SLC25A21: variants seen among roughly 807,000 people sequenced by gnomAD.
The protein encoded by SLC25A21 is mitochondrial 2-oxodicarboxylate carrier.
SLC25A21 carries 47 observed loss-of-function variants against 43.8 expected under a neutral mutation model. The ratio of observed to expected loss-of-function variants is 1.07; its 90% CI spans 0.85 to 1.37. SLC25A21 has a LOEUF of 1.37. SLC25A21 is among the 40% of genes most tolerant of loss of function. SLC25A21 has a pLI of 0.00. For missense variants in SLC25A21, 352 were observed against 350.2 expected (o/e 1.00, Z -0.04); for synonymous variants, 131 against 121.3 (o/e 1.08, Z -0.52).
intron 1 of SLC25A21, among the ~76,000 whole-genome samples, chr14:36,973,693 G>A (rs774256472): frequency 1.3e-5 from 2 of 152,182 alleles, no homozygotes; most frequent in Non-Finnish European, 2.9e-5. Context: ...GACAATTAAA[G>A]TACAACAAAT....
intron 3 of SLC25A21, among the ~76,000 whole-genome samples, chr14:36,757,335 C>T (rs557322631): frequency 8.6e-5 from 13 of 152,040 alleles, no homozygotes; most frequent in Non-Finnish European, 1.3e-4. Flanking sequence ...TCACTAGAAA[C>T]AATACAAAGT....
At chr14:36,863,682 T>C (rs942109265) in intron 2 of SLC25A21, among the ~76,000 whole-genome samples, 4 of 152,236 alleles carry the variant, frequency 2.6e-5, no homozygotes, top group Non-Finnish European at 5.9e-5. Flanking sequence ...TTTTAGTCTA[T>C]GGCAGCAAGA....
chr14:36,885,045 C>A (rs1890874072), intron 1 of SLC25A21, among the ~76,000 whole-genome samples: 3 of 152,126 alleles, frequency 2.0e-5, no homozygotes, highest in African/African-American at 7.2e-5. Context: ...GAAATCTCTG[C>A]CCAGACAGAT....
chr14:37,110,392 T>C (rs1962996489), intron 1 of SLC25A21, among the ~76,000 whole-genome samples: 1 of 152,218 alleles, frequency 6.6e-6, no homozygotes, highest in African/African-American at 2.4e-5. Context: ...GTGAGTATCA[T>C]TCCATTCTAG....
intron 3 of SLC25A21, among the ~76,000 whole-genome samples, chr14:36,735,127 G>T (rs1446171315): frequency 6.6e-6 from 1 of 152,116 alleles, no homozygotes; most frequent in Non-Finnish European, 1.5e-5. Flanking sequence ...GTGGAAGAAG[G>T]TCACAGAGGG....
intron 1 of SLC25A21, among the ~76,000 whole-genome samples, chr14:37,104,188 ATAAT>A (rs1333644110): frequency 6.6e-6 from 1 of 152,218 alleles, no homozygotes; most frequent in Non-Finnish European, 1.5e-5. Context: ...GGATGTAAAA[ATAAT>A]TAACCTCATA....
chr14:36,943,483 G>A (rs542086881), intron 1 of SLC25A21, among the ~76,000 whole-genome samples: 10 of 152,288 alleles, frequency 6.6e-5, no homozygotes, highest in South Asian at 2.1e-4. Context: ...ATAAGTCACC[G>A]CACCTGGCCC....
chr14:36,686,247 G>A (rs1035177247), intron 7 of SLC25A21, among the ~76,000 whole-genome samples: 1 of 152,176 alleles, frequency 6.6e-6, no homozygotes, highest in Non-Finnish European at 1.5e-5. Flanking sequence ...TACAGGTGCC[G>A]GGGAGGTTTA....
At chr14:36,680,979 CA>C (rs1289583327) in intron 9 of SLC25A21, among the ~76,000 whole-genome samples, 1 of 152,164 alleles carries the variant, frequency 6.6e-6, no homozygotes, top group Non-Finnish European at 1.5e-5. Context: ...GATTCTTTTT[CA>C]AGCACTTTCA....
chr14:36,848,972 T>C lies in SLC25A21; in HGVS notation c.119+25984A>G, dbSNP rs557037150. On this transcript the variant is annotated intron_variant, in intron 2 of 9. Transcript: ENST00000331299. ...CTCGCCCTATTAGTGCAGGCCCAGATGATTCATGGTAAACTTTCCAGGATA... is the reference window on the plus strand; with the variant it reads ...CTCGCCCTATTAGTGCAGGCCCAGACGATTCATGGTAAACTTTCCAGGATA... 1.4e-4 allele frequency among the ~76,000 whole-genome samples: 21 copies of C among 152,338 alleles called. No individual in the cohort carries two copies. The East Asian group carries it at 2.7e-3, about 20-fold the overall frequency.
chr14:36,788,897 T>G (rs2138394209), intron 3 of SLC25A21: 1 of 152,272 alleles, frequency 6.6e-6, no homozygotes, highest in Non-Finnish European at 1.5e-5. Flanking sequence ...ACTGTCAGGG[T>G]TTATGGCTTA....
chr14:36,925,689 A>G (rs560907860), intron 1 of SLC25A21, among the ~76,000 whole-genome samples: 1 of 152,098 alleles, frequency 6.6e-6, no homozygotes, highest in Non-Finnish European at 1.5e-5. Flanking sequence ...CCTACTAAAA[A>G]TACAAAAATT....
intron 1 of SLC25A21, among the ~76,000 whole-genome samples, chr14:37,111,483 G>T (rs1566889422): frequency 6.6e-6 from 1 of 152,146 alleles, no homozygotes; most frequent in Non-Finnish European, 1.5e-5. Flanking sequence ...TCTCTCAGTG[G>T]TTCTACATTC....
intron 1 of SLC25A21, among the ~76,000 whole-genome samples, chr14:37,074,031 C>T (rs1411034988): frequency 1.3e-5 from 2 of 151,790 alleles, no homozygotes; most frequent in Non-Finnish European, 2.9e-5. Flanking sequence ...TAGAACTAGT[C>T]TTCCTACCTC....
intron 1 of SLC25A21, among the ~76,000 whole-genome samples, chr14:37,026,824 G>A (rs1348986079): frequency 6.6e-6 from 1 of 152,128 alleles, no homozygotes; most frequent in African/African-American, 2.4e-5. Context: ...ATGTCAAAGA[G>A]ATTGTTATTT....
intron 3 of SLC25A21, among the ~76,000 whole-genome samples, chr14:36,738,181 A>G (rs1287948809): frequency 1.3e-5 from 2 of 152,242 alleles, no homozygotes; most frequent in Non-Finnish European, 2.9e-5. Context: ...AAATGCAGGT[A>G]AGAGCATGTG....
intron 1 of SLC25A21, among the ~76,000 whole-genome samples, chr14:37,135,193 G>C (rs529829052): frequency 6.6e-5 from 10 of 152,194 alleles, no homozygotes; most frequent in Admixed American, 6.5e-4. Flanking sequence ...CTCCCAAAGT[G>C]CTGGGATTTC....
At chr14:37,169,856 T>G (rs552066524) in intron 1 of SLC25A21, among the ~76,000 whole-genome samples, 1 of 152,278 alleles carries the variant, frequency 6.6e-6, no homozygotes, top group South Asian at 2.1e-4. Flanking sequence ...TAAGTTACTC[T>G]AATCATTTAT....
intron 1 of SLC25A21, among the ~76,000 whole-genome samples, chr14:36,971,857 G>A (rs1364613939): frequency 6.6e-6 from 1 of 152,080 alleles, no homozygotes; most frequent in Non-Finnish European, 1.5e-5. Flanking sequence ...AGTACTAGTT[G>A]GGAAAGGCAA....
Sources: allele counts gnomAD v4.1 joint callset (sites outside exome capture counted in the v4.1 genomes callset), GRCh38; gene constraint gnomAD v4.1.1; transcripts MANE v1.5; gene names NCBI Gene and HGNC (gene_info 2026-07-23, HGNC 2026-07-21).